PSG11: variants seen among roughly 807,000 people sequenced by gnomAD.
PSG11 encodes pregnancy-specific beta-1-glycoprotein 11.
Under a neutral mutation model 36.0 loss-of-function variants are expected in PSG11, and 42 were observed. The observed-to-expected ratio is 1.17, with a 90% CI of 0.91 to 1.51. PSG11 has a LOEUF of 1.51. Among genes scored for constraint, PSG11 ranks in the 40% most tolerant of loss-of-function variants. PSG11 has a pLI of 0.00. For missense variants in PSG11, 558 were observed against 403.5 expected, an observed-to-expected ratio of 1.38 and a Z score of -3.28; for synonymous variants, 206 against 153.5, an observed-to-expected ratio of 1.34 and a Z score of -2.53.
At chr19:43,019,337 T>G in intron 2 of PSG11, 1 of 524,502 alleles carries the variant, frequency 1.9e-6, no homozygotes, top group Non-Finnish European at 3.0e-6. Flanking sequence ...GGTGCCTCTC[T>G]GAGTCCCTCC....
chr19:43,025,222 TTGTGTA>T (rs1405395813), intron 1 of PSG11, 166 bp from the exon 2 acceptor site: 6 of 1,246,572 alleles, frequency 4.8e-6, no homozygotes, highest in African/African-American at 3.1e-5. Flanking sequence ...GCATGTGTGT[TTGTGTA>T]TGTGTATGTG....
intron 4 of PSG11, chr19:43,014,278 C>A (rs866078328): frequency 8.6e-6 from 7 of 815,924 alleles, no homozygotes; most frequent in East Asian, 2.5e-4. Context: ...GGTAGTCTTA[C>A]CCTCTCTATA....
intron 2 of PSG11, among the ~76,000 whole-genome samples, chr19:43,022,608 T>TTG (rs765443468): frequency 9.3e-5 from 14 of 151,010 alleles, no homozygotes; most frequent in South Asian, 2.1e-4. Flanking sequence ...ATTTGTGTGT[T>TTG]TGTGTGTGTG....
At chr19:43,015,950 A>G in intron 3 of PSG11, 8 of 1,610,134 alleles carry the variant, frequency 5.0e-6, no homozygotes, top group Non-Finnish European at 6.8e-6. Context: ...ATGTAGGCAT[A>G]GTTCTCACTC....
In PSG11 at chr19:43,018,960, A is replaced by C; in HGVS notation, c.519T>G (p.Thr173=). 1 of 1,612,046 alleles carries C rather than the reference A, an allele frequency of 6.2e-7. No homozygotes were observed. The highest frequency in any genetic ancestry group is 1.3e-5 in the African/African-American group (1 of 74,488). ...ETVILTCNPE[T]PDASYLWWMN... is the part of the protein sequence containing the mutation. ...TCCACCACAGGTAGCTTGCGTCCGG[A>C]GTCTCAGGATTACAGGTTAAGATCA... The change falls in exon 3 of 6, where the codon ACT becomes ACG. Residue 173 remains threonine, a synonymous_variant. Transcript: ENST00000320078.
At chr19:43,018,569 G>A (rs1967022928) in intron 3 of PSG11, 2 of 1,280,526 alleles carry the variant, frequency 1.6e-6, no homozygotes, top group Admixed American at 4.3e-5. Context: ...AGCCTCCCAT[G>A]ACAGGAGCAG....
Position 43,025,628 on chromosome 19 carries a change from G to T in PSG11, c.65-572C>A, listed in dbSNP as rs763046659. Among the ~76,000 whole-genome samples the T allele has an allele frequency of 2.5e-4, 37 of 148,316 alleles. 2 individuals carry two copies. The highest frequency in any genetic ancestry group is 2.5e-3 in the Admixed American group (37 of 14,902). ...GCTGCAGACTCCTGTAGATGTGAGA[G>T]TTCTCAGGGCCGTCCACGCCCTGGG... On this transcript the variant is annotated intron_variant, in intron 1 of 5. Coordinates refer to ENST00000320078, the MANE Select transcript of PSG11 (RefSeq NM_002785.3).
At chr19:43,015,672 G>A (rs1175828542) in intron 3 of PSG11, 18 of 1,555,096 alleles carry the variant, frequency 1.2e-5, no homozygotes, top group Middle Eastern at 2.4e-4. Context: ...AAAAGTAAAG[G>A]TGTCTGTACT....
In PSG11 at chr19:43,008,222, A is replaced by G. The variant is rs761397425; in HGVS notation, c.*41-180T>C. 23 of 211,876 alleles carry G rather than the reference A, an allele frequency of 1.1e-4. 1 individual carries two copies. The highest frequency in any genetic ancestry group is 2.0e-4 in the Non-Finnish European group (21 of 104,868). The allele number at this position is 211,876 out of a possible 1,614,324, so 13.1% of individuals were successfully genotyped here. A position where few individuals can be genotyped will look rare whatever the true frequency, so the allele number is the denominator to read the frequency against. On this transcript the variant is annotated intron_variant, in intron 5 of 5. Coordinates refer to ENST00000320078, the MANE Select transcript of PSG11 (RefSeq NM_002785.3). ...AGTTACTTCTGTGGCTTATGACACT[A>G]TGGTAACATATTTGATTTCCAGAAA...
rs756080243 is a variant in PSG11, at chr19:43,020,769, A to G, written c.431-1721T>C. Among the ~76,000 whole-genome samples, 2 of 151,238 alleles carry G rather than the reference A, an allele frequency of 1.3e-5. 1 individual carries two copies. The highest frequency in any genetic ancestry group is 2.9e-5 in the Non-Finnish European group (2 of 67,930). Reference sequence around the variant, plus strand: ...TACATAAAAGGAGGAAGGATGCCAAATTAAAAGAAGTGATGTGTGTTATGT... The same window carrying G: ...TACATAAAAGGAGGAAGGATGCCAAGTTAAAAGAAGTGATGTGTGTTATGT... On this transcript the variant is annotated intron_variant, in intron 2 of 5. Coordinates refer to ENST00000320078, the MANE Select transcript of PSG11 (RefSeq NM_002785.3).
At chr19:43,018,545 A>T (rs968675934) in intron 3 of PSG11, 5 of 1,053,302 alleles carry the variant, frequency 4.7e-6, no homozygotes, top group Admixed American at 2.6e-5. Context: ...TCCCATCACA[A>T]TCTGTGGACC....
chr19:43,020,757 G>A (rs190919022), intron 2 of PSG11, among the ~76,000 whole-genome samples: 1 of 151,224 alleles, frequency 6.6e-6, no homozygotes, highest in East Asian at 1.9e-4. Context: ...ATAAAAGGAG[G>A]AAGGATGCCA....
At chr19:43,025,993 G>A (rs185605176) in intron 1 of PSG11, among the ~76,000 whole-genome samples, 56 of 124,852 alleles carry the variant, frequency 4.5e-4, no homozygotes, top group East Asian at 3.8e-3. Context: ...CCAGCCTGGC[G>A]TGCAGTGGCA....
chr19:43,016,616 G>A (rs562247950), intron 3 of PSG11, among the ~76,000 whole-genome samples: 2 of 150,138 alleles, frequency 1.3e-5, no homozygotes, highest in Non-Finnish European at 3.0e-5. Context: ...CAGTCATCAG[G>A]CAGTGGAGGC....
At position 43,024,741 on chromosome 19, in the gene PSG11, C is replaced by A; in HGVS notation, c.380G>T (p.Arg127Leu). 1 of 1,611,676 alleles carries A rather than the reference C, an allele frequency of 6.2e-7. No individual in the cohort carries two copies. The highest frequency in any genetic ancestry group is 8.5e-7 in the Non-Finnish European group (1 of 1,178,924). The change falls in exon 2 of 6, where the codon CGA becomes CTA. Residue 127 changes from arginine (R) to leucine (L), a missense_variant. By Grantham distance (102) the Arg-to-Leu change is moderately radical. Coordinates refer to ENST00000320078, the MANE Select transcript of PSG11 (RefSeq NM_002785.3). ...AGTTACTCCTCTAGTCCCATCACCTCGCTTTATGATGTGTAAGGTGTAGGA... is the reference window on the plus strand; with the variant it reads ...AGTTACTCCTCTAGTCCCATCACCTAGCTTTATGATGTGTAAGGTGTAGGA... ...AGSYTLHIIK[R>L]GDGTRGVTGY...
chr19:43,024,580 G>A (rs934409292), intron 2 of PSG11, 111 bp downstream of exon 2: 30 of 1,577,262 alleles, frequency 1.9e-5, no homozygotes, highest in Middle Eastern at 1.7e-4. Flanking sequence ...CCCAGCATGG[G>A]ACATAATGCA....
chr19:43,011,214 A>C (rs1599668131), intron 4 of PSG11, among the ~76,000 whole-genome samples: 1 of 151,204 alleles, frequency 6.6e-6, no homozygotes, highest in East Asian at 1.9e-4. Context: ...CATTGACTGC[A>C]TGAAACCTTT....
chr19:43,019,122 T>A (rs1430255727), intron 2 of PSG11, 74 bp from the exon 3 acceptor site: 3 of 1,567,014 alleles, frequency 1.9e-6, no homozygotes, highest in African/African-American at 2.7e-5. Flanking sequence ...TCAATCAGAA[T>A]TGGCATTTGC....
At chr19:43,025,934 C>T (rs140583162) in intron 1 of PSG11, among the ~76,000 whole-genome samples, 9,279 of 59,036 alleles carry the variant, frequency 0.16, 51 homozygotes, top group East Asian at 0.23. Context: ...TTTTTTTTTT[C>T]TCTTTTTTTT....
Sources: gnomAD v4.1 joint callset for allele counts (sites outside exome capture counted in the v4.1 genomes callset) on GRCh38, gnomAD v4.1.1 for gene constraint, MANE v1.5 for transcripts, NCBI Gene and HGNC (gene_info 2026-07-23, HGNC 2026-07-21) for gene names.